SCHIP1: variants seen among roughly 807,000 people sequenced by gnomAD.
SCHIP1 encodes schwannomin interacting protein 1, also known as schwannomin-interacting protein 1.
SCHIP1 carries 8 observed loss-of-function variants against 29.7 expected under a neutral mutation model. That is an observed-to-expected ratio of 0.27 (90% CI 0.16 to 0.49). SCHIP1 has a LOEUF of 0.49. Among genes scored for constraint, SCHIP1 ranks in the 20% least tolerant of loss-of-function variants. The probability of loss-of-function intolerance (pLI) is 0.99; values close to 1 mark genes in which losing one functional copy is unlikely to be tolerated. For synonymous variants in SCHIP1, 76 were observed against 94.9 expected, an observed-to-expected ratio of 0.80 and a Z score of 1.16; for missense variants, 193 against 294.6, an observed-to-expected ratio of 0.66 and a Z score of 2.52.
chr3:159,497,380 T>C, the SCHIP1 span, among the ~76,000 whole-genome samples: 1 of 152,034 alleles, frequency 6.6e-6, no homozygotes, highest in Non-Finnish European at 1.5e-5. Flanking sequence ...CACAGCCACA[T>C]TATAACAGTT....
chr3:159,665,527 T>C, the SCHIP1 span, among the ~76,000 whole-genome samples: 13 of 150,830 alleles, frequency 8.6e-5, no homozygotes, highest in Admixed American at 7.9e-4. Flanking sequence ...TTTGTTGTGG[T>C]GGTTTTTTGT....
the SCHIP1 span, among the ~76,000 whole-genome samples, chr3:159,481,231 A>T: frequency 1.3e-5 from 2 of 152,176 alleles, no homozygotes; most frequent in South Asian, 2.1e-4. Context: ...AATTCTGGAG[A>T]TGTGGACCCA....
At chr3:159,636,933 G>A in the SCHIP1 span, among the ~76,000 whole-genome samples, 1 of 152,174 alleles carries the variant, frequency 6.6e-6, no homozygotes, top group African/African-American at 2.4e-5. Context: ...GTAGTTTGTA[G>A]TTTTAGCTAC....
At chr3:159,578,073 G>A in the SCHIP1 span, among the ~76,000 whole-genome samples, 1 of 152,148 alleles carries the variant, frequency 6.6e-6, no homozygotes, top group African/African-American at 2.4e-5. Flanking sequence ...TTTTGGGGGG[G>A]TGGAAGGGAG....
At chr3:159,635,103 C>A in the SCHIP1 span, among the ~76,000 whole-genome samples, 1 of 152,192 alleles carries the variant, frequency 6.6e-6, no homozygotes, top group African/African-American at 2.4e-5. Flanking sequence ...ATTCCTCTTA[C>A]TCTGCTTTTT....
At chr3:159,432,695 G>A in the SCHIP1 span, among the ~76,000 whole-genome samples, 1 of 152,138 alleles carries the variant, frequency 6.6e-6, no homozygotes, top group Non-Finnish European at 1.5e-5. Context: ...TGTATATATA[G>A]TTCTGCATAT....
chr3:159,832,604 G>A, the SCHIP1 span, among the ~76,000 whole-genome samples: 2,059 of 152,188 alleles, frequency 0.014, 40 homozygotes, highest in African/African-American at 0.047. Context: ...GGCATAACTC[G>A]TGACTTCCTA....
At chr3:159,479,907 A>G in the SCHIP1 span, among the ~76,000 whole-genome samples, 1 of 152,292 alleles carries the variant, frequency 6.6e-6, no homozygotes. Flanking sequence ...CCATAACCTC[A>G]CAGTAATGAA....
At chr3:159,353,361 C>G in the SCHIP1 span, among the ~76,000 whole-genome samples, 1 of 152,062 alleles carries the variant, frequency 6.6e-6, no homozygotes, top group Non-Finnish European at 1.5e-5. Context: ...GGCTGACTCT[C>G]TAGTACAATA....
chr3:159,599,824 C>T, the SCHIP1 span, among the ~76,000 whole-genome samples: 2 of 152,168 alleles, frequency 1.3e-5, no homozygotes, highest in South Asian at 2.1e-4. Context: ...GAGTTTTATG[C>T]TTTCATGTGT....
At chr3:159,345,428 T>C in the SCHIP1 span, among the ~76,000 whole-genome samples, 8 of 152,248 alleles carry the variant, frequency 5.3e-5, no homozygotes, top group Admixed American at 4.6e-4. Context: ...TATTTGACCT[T>C]TAAACATTTA....
At chr3:159,838,553 C>T (rs1743889864), upstream of SCHIP1, among the ~76,000 whole-genome samples, 7 of 152,172 alleles carry the variant, frequency 4.6e-5, no homozygotes, top group South Asian at 1.5e-3. Flanking sequence ...AATTCAGTCA[C>T]ATTTTTGTTA....
At chr3:159,634,349 T>C in the SCHIP1 span, among the ~76,000 whole-genome samples, 2 of 152,192 alleles carry the variant, frequency 1.3e-5, no homozygotes, top group African/African-American at 4.8e-5. Flanking sequence ...AAATAAACTA[T>C]GTAAGTGTAT....
At chr3:159,880,857 T>C (rs1716366127) in intron 2 of SCHIP1, among the ~76,000 whole-genome samples, 1 of 152,250 alleles carries the variant, frequency 6.6e-6, no homozygotes, top group African/African-American at 2.4e-5. Flanking sequence ...ACCAGCATTA[T>C]TTGCTAAAAT....
chr3:159,766,177 G>GT, the SCHIP1 span, among the ~76,000 whole-genome samples: 1 of 152,198 alleles, frequency 6.6e-6, no homozygotes, highest in African/African-American at 2.4e-5. Context: ...TGTGGCAGCT[G>GT]TGTGGCAGGT....
chr3:159,655,523 C>T, the SCHIP1 span, among the ~76,000 whole-genome samples: 378 of 152,220 alleles, frequency 2.5e-3, 3 homozygotes, highest in African/African-American at 8.5e-3. Context: ...TGGTCCTTCT[C>T]AGTGCTGGGT....
chr3:159,668,356 G>A, the SCHIP1 span, among the ~76,000 whole-genome samples: 10 of 123,100 alleles, frequency 8.1e-5, no homozygotes, highest in African/African-American at 2.2e-4. Context: ...CAGTCTGGGC[G>A]ACAGAGCGAG....
At chr3:159,582,040 C>A in the SCHIP1 span, among the ~76,000 whole-genome samples, 1 of 152,002 alleles carries the variant, frequency 6.6e-6, no homozygotes, top group Non-Finnish European at 1.5e-5. Flanking sequence ...TAATACTTAG[C>A]CTTCTATTTT....
At chr3:159,394,656 G>T in the SCHIP1 span, among the ~76,000 whole-genome samples, 1 of 152,036 alleles carries the variant, frequency 6.6e-6, no homozygotes, top group African/African-American at 2.4e-5. Flanking sequence ...TGCATCCCAG[G>T]GATGAAGCCC....
Sources: gnomAD v4.1 joint callset for allele counts (sites outside exome capture counted in the v4.1 genomes callset) on GRCh38, gnomAD v4.1.1 for gene constraint, MANE v1.5 for transcripts, NCBI Gene and HGNC (gene_info 2026-07-23, HGNC 2026-07-21) for gene names.